The following NRDC variants were observed in gnomAD, a reference collection of about 807,000 sequenced individuals.
NRDC encodes the protein nardilysin convertase.
NRDC carries 54 observed loss-of-function variants against 147.1 expected under a neutral mutation model. That is an observed-to-expected ratio of 0.37 (90% confidence interval 0.29 to 0.46). The LOEUF (loss-of-function observed/expected upper bound fraction) is 0.46. NRDC is among the 20% of genes least tolerant of loss of function. The probability of loss-of-function intolerance (pLI) is 1.00; values close to 1 mark genes in which losing one functional copy is unlikely to be tolerated. For synonymous variants in NRDC, 440 were observed against 482.1 expected (o/e 0.91, Z 1.14); for missense variants, 1,082 against 1,370.6 (o/e 0.79, Z 3.33).
chr1:51,831,244 C>T (rs2149215885), intron 4 of NRDC, among the ~76,000 whole-genome samples: 1 of 152,332 alleles, frequency 6.6e-6, no homozygotes, highest in East Asian at 1.9e-4. Context: ...ATTTCATCAT[C>T]TCTGAGATGG....
intron 1 of NRDC, among the ~76,000 whole-genome samples, chr1:51,863,030 A>AAC (rs1553219049): frequency 1.3e-5 from 2 of 150,316 alleles, no homozygotes; most frequent in Non-Finnish European, 3.0e-5. Flanking sequence ...AAAAAAAAAA[A>AAC]AAAAAAAACA....
At chr1:51,833,038 C>T (rs920951108) in intron 4 of NRDC, among the ~76,000 whole-genome samples, 1 of 152,076 alleles carries the variant, frequency 6.6e-6, no homozygotes, top group African/African-American at 2.4e-5. Context: ...ACAATATGAT[C>T]GGTATACTTT....
chr1:51,855,847 T>C (rs747283901), intron 1 of NRDC, among the ~76,000 whole-genome samples: 2 of 151,602 alleles, frequency 1.3e-5, no homozygotes, highest in Admixed American at 1.3e-4. Flanking sequence ...CACTCCAGCA[T>C]GGGTGACAGA....
intron 7 of NRDC, among the ~76,000 whole-genome samples, chr1:51,821,897 C>T (rs910711904): frequency 2.6e-5 from 4 of 152,188 alleles, no homozygotes; most frequent in Non-Finnish European, 2.9e-5. Flanking sequence ...CTAAAACTTA[C>T]ATCCTCTTGG....
At chr1:51,871,323 T>A (rs1460132329) in intron 1 of NRDC, among the ~76,000 whole-genome samples, 1 of 151,540 alleles carries the variant, frequency 6.6e-6, no homozygotes, top group Non-Finnish European at 1.5e-5. Context: ...TCTCAGTCAA[T>A]CAATTTCTCA....
intron 7 of NRDC, among the ~76,000 whole-genome samples, chr1:51,822,312 T>C (rs530297391): frequency 7.2e-5 from 11 of 152,238 alleles, no homozygotes; most frequent in African/African-American, 2.2e-4. Context: ...ATATAGATGT[T>C]TGACTCTTAA....
chr1:51,838,634 G>GA (rs1169299709), intron 2 of NRDC, among the ~76,000 whole-genome samples: 2 of 150,906 alleles, frequency 1.3e-5, no homozygotes, highest in African/African-American at 2.4e-5. Context: ...TTAAAACTGA[G>GA]AAAAAAAAGA....
chr1:51,803,776 A>C, intron 20 of NRDC, 38 bp downstream of exon 20: 1 of 1,538,578 alleles, frequency 6.5e-7, no homozygotes, highest in Non-Finnish European at 8.9e-7. Flanking sequence ...ATGGTATTTT[A>C]ATGCTCTCTA....
At position 51,790,541 on chromosome 1, in the gene NRDC, C is replaced by T. The variant is rs1219074372; in HGVS notation, c.3160G>A (p.Ala1054Thr). The change falls in exon 29 of 31, where the codon GCC becomes ACC. Residue 1054 changes from alanine (A) to threonine (T), a missense_variant. Coordinates refer to ENST00000352171, the MANE Select transcript of NRDC (RefSeq NM_001101662.2). ...VTQQYLFDRL[A>T]HEIEALKSFS... ...TCTGAAAACCATGTTACCTCGTGGG[C>T]AAGGCGGTCAAAGAGGTACTGCTGT... is the stretch of plus-strand genomic sequence containing the variant. 6.2e-7 allele frequency: 1 copy of T among 1,610,612 alleles called. No homozygotes were observed. Among genetic ancestry groups the T allele is most frequent in the South Asian group, 1.1e-5 (1 of 90,986 alleles).
At position 51,833,217 on chromosome 1, in the gene NRDC, T is replaced by C. The variant is rs572465961; in HGVS notation, c.866+800A>G. 3.9e-5 allele frequency among the ~76,000 whole-genome samples: 6 copies of C among 152,232 alleles called. No homozygotes were observed. In the East Asian group the frequency reaches 1.2e-3, roughly 29 times the overall value. On this transcript the variant is annotated intron_variant, in intron 4 of 30. Coordinates refer to ENST00000352171, the MANE Select transcript of NRDC (RefSeq NM_001101662.2). Reference sequence around the variant, plus strand: ...GGCTCACACCTATAATCCCAGCACTTTGAGAGGCTGAGGCAGGAGGATCAC... The same window carrying C: ...GGCTCACACCTATAATCCCAGCACTCTGAGAGGCTGAGGCAGGAGGATCAC...
chr1:51,831,886 T>C (rs856605), intron 4 of NRDC, among the ~76,000 whole-genome samples: 121,687 of 151,574 alleles, frequency 0.8, 49,838 homozygotes, highest in East Asian at 0.98. Context: ...CGAGATCACA[T>C]CACTGCACTC....
chr1:51,846,447 T>A (rs1435432045), intron 1 of NRDC, among the ~76,000 whole-genome samples: 1 of 152,218 alleles, frequency 6.6e-6, no homozygotes, highest in Non-Finnish European at 1.5e-5. Context: ...TTTTCACTCT[T>A]TTTGTGTCTG....
intron 13 of NRDC, 94 bp downstream of exon 13, chr1:51,814,457 C>T: frequency 8.2e-7 from 1 of 1,226,280 alleles, no homozygotes; most frequent in Non-Finnish European, 1.2e-6. Context: ...CCTGAAAAAC[C>T]ATCAAGGCAA....
At chr1:51,809,245 A>G in intron 17 of NRDC, 70 bp downstream of exon 17, 1 of 931,228 alleles carries the variant, frequency 1.1e-6, no homozygotes, top group East Asian at 2.4e-5. Flanking sequence ...ACTTTGTAAA[A>G]TATAATGTGC....
intron 16 of NRDC, 115 bp from the exon 17 acceptor site, chr1:51,809,516 G>A: frequency 1.3e-6 from 1 of 776,540 alleles, no homozygotes; most frequent in Non-Finnish European, 2.3e-6. Flanking sequence ...CAGGAATACT[G>A]TGACTGACAC....
Position 51,840,279 on chromosome 1 carries a change from A to C in NRDC, c.577T>G (p.Leu193Val). 1.2e-6 allele frequency: 2 copies of C among 1,607,572 alleles called. No individual in the cohort carries two copies. Among genetic ancestry groups the C allele is most frequent in the Non-Finnish European group, 1.7e-6 (2 of 1,175,268 alleles). Residue 193 changes from leucine to valine, a missense_variant, in exon 2 of 31, where the codon TTG becomes GTG. Transcript: ENST00000352171. ...TCTGCTCTCTCTTCTAATTCTTCCA[A>C]TTCATTATCCTCAGTATCAAGATCA... ...DDDLDTEDNE[L>V]EELEERAEAR...
At chr1:51,793,928 C>T (rs147408683) in intron 24 of NRDC, 4 of 153,432 alleles carry the variant, frequency 2.6e-5, no homozygotes, top group Admixed American at 1.3e-4. Context: ...AAGCACCACA[C>T]ACCCCAGTAG....
intron 17 of NRDC, 114 bp downstream of exon 17, chr1:51,809,200 TG>T: frequency 1.3e-6 from 1 of 782,514 alleles, no homozygotes; most frequent in East Asian, 2.5e-5. Flanking sequence ...AACCTCAGAA[TG>T]TTACTGGGAA....
intron 8 of NRDC, among the ~76,000 whole-genome samples, chr1:51,820,446 A>C (rs1278649971): frequency 1.3e-5 from 2 of 152,176 alleles, no homozygotes; most frequent in African/African-American, 4.8e-5. Context: ...TTAGTGAATA[A>C]TATATGAGAT....
Sources: gnomAD v4.1 joint callset for allele counts (sites outside exome capture counted in the v4.1 genomes callset) on GRCh38, gnomAD v4.1.1 for gene constraint, MANE v1.5 for transcripts, NCBI Gene and HGNC (gene_info 2026-07-23, HGNC 2026-07-21) for gene names.